The following RNF19A variants were observed in gnomAD, a reference collection of about 807,000 sequenced individuals.
RNF19A encodes the protein E3 ubiquitin-protein ligase RNF19A.
In RNF19A, 32 loss-of-function variants were observed where a neutral mutation model predicts 75.7. The ratio of observed to expected loss-of-function variants is 0.42; its 90% CI spans 0.32 to 0.57. The LOEUF (loss-of-function observed/expected upper bound fraction) is 0.57, where lower values mean the gene tolerates loss of function less well. RNF19A is among the 20% of genes least tolerant of loss of function. RNF19A has a pLI of 0.10. For missense variants in RNF19A, 782 were observed against 1,036.3 expected, an observed-to-expected ratio of 0.75 and a Z score of 3.37; for synonymous variants, 335 against 345.2, an observed-to-expected ratio of 0.97 and a Z score of 0.33.
chr8:100,268,836 G>A lies in RNF19A; in HGVS notation c.1140C>T (p.Gly380=), dbSNP rs775972917. The A allele has an allele frequency of 6.3e-7, 1 of 1,597,878 alleles. No individual in the cohort carries two copies. The highest frequency in any genetic ancestry group is 8.5e-7 in the Non-Finnish European group (1 of 1,170,484). ...GAPVGIALIA[G]IAIPAMIIGI... ...CAATAATCATTGCAGGAATAGCAAT[G>A]CCAGCTATTAAAGCGATTCCGACAG... The change falls in exon 5 of 10, where the codon GGC becomes GGT. Residue 380 remains glycine, a synonymous_variant. Transcript: ENST00000341084.
At chr8:100,316,068 AGATGTGTTCGGAGTTTCTTCTTTCT>A (rs1822369450) in intron 1 of RNF19A, among the ~76,000 whole-genome samples, 1 of 152,008 alleles carries the variant, frequency 6.6e-6, no homozygotes, top group East Asian at 1.9e-4. Flanking sequence ...TCTGATGGTC[AGATGTGTTCGGAGTTTCTTCTTTCT>A]GGTGGGTTCG....
At position 100,264,837 on chromosome 8, in the gene RNF19A, TTTAAC is replaced by T; in HGVS notation, c.1192-57_1192-53del. 7.7e-7 allele frequency: 1 copy of T among 1,295,840 alleles called. No homozygotes were observed. Among genetic ancestry groups the T allele is most frequent in the East Asian group, 2.3e-5 (1 of 43,364 alleles). The allele number at this position is 1,295,840 out of a possible 1,614,324, so 80.3% of individuals were successfully genotyped here. ...GGATTAAAGAGAAAATACATTACAA[TTTAAC>T]TTAGTTGAAAAAGATCTATACTTGC... On this transcript the variant is annotated intron_variant, in intron 5 of 9. Transcript: ENST00000341084. This position sits in a 1 kb window ranked among gnomAD's most constrained non-coding sequence, Gnocchi z 4.7.
chr8:100,304,206 C>T (rs557671303), intron 1 of RNF19A, among the ~76,000 whole-genome samples: 1 of 152,172 alleles, frequency 6.6e-6, no homozygotes, highest in African/African-American at 2.4e-5. Flanking sequence ...AGGTGATTTG[C>T]CCACCTTGGC....
chr8:100,311,534 T>C (rs1327569804), upstream of RNF19A, among the ~76,000 whole-genome samples: 3 of 151,800 alleles, frequency 2.0e-5, no homozygotes, highest in Non-Finnish European at 2.9e-5. Context: ...CTGGCTAACA[T>C]AGTGAAACCC....
At chr8:100,310,058 G>A (rs1431221871), upstream of RNF19A, 8 of 985,442 alleles carry the variant, frequency 8.1e-6, no homozygotes, top group Non-Finnish European at 9.6e-6. Flanking sequence ...CTCCGCAGTT[G>A]TGGCTCGACG....
At chr8:100,268,533 T>C (rs1820094852) in intron 5 of RNF19A, 2 of 292,374 alleles carry the variant, frequency 6.8e-6, no homozygotes, top group South Asian at 1.4e-4. Flanking sequence ...TACTCAAAGT[T>C]TTATAATACA....
At chr8:100,326,783 T>G (rs1822539321) in intron 1 of RNF19A, among the ~76,000 whole-genome samples, 1 of 152,240 alleles carries the variant, frequency 6.6e-6, no homozygotes, top group Non-Finnish European at 1.5e-5. Context: ...CTTAAACACT[T>G]TAAACAGTCT....
At chr8:100,288,818 T>C (rs1341872867) in intron 1 of RNF19A, among the ~76,000 whole-genome samples, 1 of 152,098 alleles carries the variant, frequency 6.6e-6, no homozygotes, top group East Asian at 1.9e-4. Flanking sequence ...CCCAGCACTT[T>C]GGGAGGCCAG....
chr8:100,292,488 A>G (rs922008872), intron 1 of RNF19A, among the ~76,000 whole-genome samples: 2 of 146,136 alleles, frequency 1.4e-5, no homozygotes, highest in African/African-American at 2.6e-5. Flanking sequence ...ATTGTATTTG[A>G]CTATATGGCA....
At position 100,260,432 on chromosome 8, in the gene RNF19A, TATTTA is replaced by T. The variant is rs1819658949; in HGVS notation, c.1683-440_1683-436del. On this transcript the variant is annotated intron_variant, in intron 8 of 9. Coordinates refer to ENST00000341084, the MANE Select transcript of RNF19A (RefSeq NM_183419.4). This position sits in a 1 kb window ranked among gnomAD's most constrained non-coding sequence, Gnocchi z 4.1. The stretch of plus-strand genomic sequence containing the variant: ...AAATAACACCTGCCTTTTAATACTT[TATTTA>T]TTTATATATATTTTTAGAGACAGGG... Among the ~76,000 whole-genome samples the T allele has an allele frequency of 6.6e-6, 1 of 152,154 alleles. No homozygotes were observed. Among genetic ancestry groups the T allele is most frequent in the African/African-American group, 2.4e-5 (1 of 41,436 alleles).
At position 100,261,537 on chromosome 8, in the gene RNF19A, C is replaced by T; in HGVS notation, c.1682+5G>A. 6.2e-7 allele frequency: 1 copy of T among 1,613,238 alleles called. No individual in the cohort carries two copies. The highest frequency in any genetic ancestry group is 8.5e-7 in the Non-Finnish European group (1 of 1,179,456). On this transcript the variant is annotated splice_donor_5th_base_variant and intron_variant, in intron 8 of 9. Coordinates refer to ENST00000341084, the MANE Select transcript of RNF19A (RefSeq NM_183419.4). The surrounding 1 kb of genome is among the most constrained non-coding windows in gnomAD (Gnocchi z 4.4). ...AGCAGAACCAAACCAAACCAAAACA[C>T]ACACCTGTTAAAACAGTTTACCATG...
intron 2 of RNF19A, among the ~76,000 whole-genome samples, chr8:100,277,318 CTCTT>C: frequency 6.6e-6 from 1 of 152,148 alleles, no homozygotes; most frequent in Admixed American, 6.5e-5. Context: ...TAGTATCACA[CTCTT>C]TTTTTTTGAG....
At chr8:100,320,485 C>T (rs1000407908) in intron 1 of RNF19A, among the ~76,000 whole-genome samples, 13 of 152,152 alleles carry the variant, frequency 8.5e-5, no homozygotes, top group Admixed American at 8.5e-4. Flanking sequence ...TTGAAAAATG[C>T]TATAACCAAC....
chr8:100,276,970 C>T (rs970699403), intron 2 of RNF19A, among the ~76,000 whole-genome samples: 3 of 151,852 alleles, frequency 2.0e-5, no homozygotes, highest in African/African-American at 4.8e-5. Flanking sequence ...ATGGCACCAC[C>T]GAGACAAACA....
chr8:100,323,518 G>A lies in RNF19A; in HGVS notation c.-242-10146C>T, dbSNP rs779916543. Among the ~76,000 whole-genome samples the A allele has an allele frequency of 5.3e-5, 8 of 152,152 alleles. No homozygotes were observed. The highest frequency in any genetic ancestry group is 2.1e-4 in the South Asian group (1 of 4,828). ...CTTAGAATTGTCACATTAACTGCAC[G>A]TATGCTAGCCAAGAAACTCATCAGC... On this transcript the variant is annotated intron_variant, in intron 1 of 3. Transcript: ENST00000519527. The surrounding 1 kb of genome is among the most constrained non-coding windows in gnomAD (Gnocchi z 4.6).
rs1822642904 is a variant in RNF19A, at chr8:100,333,965, C to T, written c.-243+2143G>A. Reference sequence around the variant, plus strand: ...TTGGCCCCACTCTACTGAAATTATCCAAGTGTATTTACTACTACTGCCCAA... The same window carrying T: ...TTGGCCCCACTCTACTGAAATTATCTAAGTGTATTTACTACTACTGCCCAA... On this transcript the variant is annotated intron_variant, in intron 1 of 3. Transcript: ENST00000519527. The surrounding 1 kb of genome is among the most constrained non-coding windows in gnomAD (Gnocchi z 4.7). 6.6e-6 allele frequency among the ~76,000 whole-genome samples: 1 copy of T among 152,196 alleles called. No homozygotes were observed. Among genetic ancestry groups the T allele is most frequent in the Non-Finnish European group, 1.5e-5 (1 of 68,040 alleles).
chr8:100,264,342 A>G lies in RNF19A; in HGVS notation c.1307-147T>C. ...TGGCTGGAACATTTGCCAAAAGTAGATTTACCCAGTTGTTAAGCAAATTCA... is the reference window on the plus strand; with the variant it reads ...TGGCTGGAACATTTGCCAAAAGTAGGTTTACCCAGTTGTTAAGCAAATTCA... On this transcript the variant is annotated intron_variant, in intron 6 of 9. Transcript: ENST00000341084. The surrounding 1 kb of genome is among the most constrained non-coding windows in gnomAD (Gnocchi z 4.7). 2 of 696,612 alleles carry G rather than the reference A, an allele frequency of 2.9e-6. No homozygotes were observed. Among genetic ancestry groups the G allele is most frequent in the South Asian group, 4.3e-5 (2 of 46,002 alleles). The allele number at this position is 696,612 out of a possible 1,614,324, so 43.2% of individuals were successfully genotyped here.
chr8:100,263,826 A>G (rs757014226), intron 7 of RNF19A, among the ~76,000 whole-genome samples: 26 of 152,144 alleles, frequency 1.7e-4, no homozygotes, highest in African/African-American at 2.4e-5. Context: ...TTATATTCCA[A>G]TTAGAGGTCA....
chr8:100,287,418 A>C lies in RNF19A; in HGVS notation c.674+83T>G, dbSNP rs766753508. ...TTGAATGAATTCTCCAGCATGTAAA[A>C]ATTTTTCTTTTGAGTAATAGCAAAT... On this transcript the variant is annotated intron_variant, in intron 2 of 9. Transcript: ENST00000341084. The surrounding 1 kb of genome is among the most constrained non-coding windows in gnomAD (Gnocchi z 4.1). 1.8e-4 allele frequency: 246 copies of C among 1,333,174 alleles called. No homozygotes were observed. In the Middle Eastern group the frequency reaches 4.2e-3, roughly 23 times the overall value. The allele number at this position is 1,333,174 out of a possible 1,614,324, so 82.6% of individuals were successfully genotyped here.
Sources: gnomAD v4.1 joint callset for allele counts (sites outside exome capture counted in the v4.1 genomes callset) on GRCh38, gnomAD v4.1.1 for gene constraint, Gnocchi (gnomAD v3.1) non-coding constraint, MANE v1.5 for transcripts, NCBI Gene and HGNC (gene_info 2026-07-23, HGNC 2026-07-21) for gene names.